Variants in WDFY2 observed in about 807,000 individuals in gnomAD.
The protein encoded by WDFY2 is WD repeat and FYVE domain-containing protein 2.
WDFY2 carries 36 observed loss-of-function variants against 56.4 expected under a neutral mutation model. The observed-to-expected ratio is 0.64, with a 90% CI of 0.49 to 0.84. The LOEUF (loss-of-function observed/expected upper bound fraction) is 0.84, where lower values mean the gene tolerates loss of function less well. Among genes scored for constraint, WDFY2 ranks in the 40% least tolerant of loss-of-function variants. The pLI is 0.00. For missense variants in WDFY2, 444 were observed against 512.2 expected (o/e 0.87, Z 1.29); for synonymous variants, 176 against 183.7 (o/e 0.96, Z 0.34).
At chr13:51,616,752 A>G (rs760700094) in intron 1 of WDFY2, among the ~76,000 whole-genome samples, 2 of 152,214 alleles carry the variant, frequency 1.3e-5, no homozygotes, top group Non-Finnish European at 2.9e-5. Flanking sequence ...GTGCTATCCT[A>G]TCGTGTGCTT....
At chr13:51,733,671 T>G (rs185529774) in intron 6 of WDFY2, among the ~76,000 whole-genome samples, 43 of 152,280 alleles carry the variant, frequency 2.8e-4, no homozygotes, top group African/African-American at 7.7e-4. Flanking sequence ...TTGTTTGGAC[T>G]GGGGGACAGC....
intron 1 of WDFY2, among the ~76,000 whole-genome samples, chr13:51,616,862 C>G (rs1313906539): frequency 6.6e-6 from 1 of 152,118 alleles, no homozygotes; most frequent in Admixed American, 6.5e-5. Flanking sequence ...GCACATAGTT[C>G]TAAGTGTTTT....
At chr13:51,658,333 T>C (rs967423806) in intron 1 of WDFY2, among the ~76,000 whole-genome samples, 1 of 152,236 alleles carries the variant, frequency 6.6e-6, no homozygotes, top group Admixed American at 6.5e-5. Context: ...AAGACACTGC[T>C]TGGGAAGCCC....
Position 51,602,320 on chromosome 13 carries a change from C to A in WDFY2, c.137+17496C>A, listed in dbSNP as rs191358090. ...ATCCATTCAGATACATAAATACTTTCCATTGTGTTACAGTTGCCTATAGCA... is the reference window on the plus strand; with the variant it reads ...ATCCATTCAGATACATAAATACTTTACATTGTGTTACAGTTGCCTATAGCA... On this transcript the variant is annotated intron_variant, in intron 1 of 11. Transcript: ENST00000298125. 3.9e-5 allele frequency among the ~76,000 whole-genome samples: 6 copies of A among 152,270 alleles called. 1 individual carries two copies. The East Asian group carries it at 1.2e-3, about 29-fold the overall frequency.
At chr13:51,664,505 T>A (rs574548911) in intron 2 of WDFY2, among the ~76,000 whole-genome samples, 4 of 152,204 alleles carry the variant, frequency 2.6e-5, no homozygotes, top group Non-Finnish European at 5.9e-5. Flanking sequence ...GAAGAACATC[T>A]GGCTCCTGAT....
chr13:51,716,775 A>G (rs1169045999), intron 4 of WDFY2, among the ~76,000 whole-genome samples: 4 of 137,308 alleles, frequency 2.9e-5, no homozygotes, highest in Non-Finnish European at 5.0e-5. Context: ...AATATCTCTC[A>G]TGAAAAAAAA....
chr13:51,742,387 G>C (rs941807332), intron 7 of WDFY2, among the ~76,000 whole-genome samples: 1 of 151,972 alleles, frequency 6.6e-6, no homozygotes, highest in African/African-American at 2.4e-5. Context: ...TTTATTCCCT[G>C]TAGCAAGTGG....
intron 1 of WDFY2, among the ~76,000 whole-genome samples, chr13:51,625,480 A>G (rs1474650770): frequency 6.6e-6 from 1 of 152,200 alleles, no homozygotes; most frequent in Non-Finnish European, 1.5e-5. Context: ...GAAAAGGTAA[A>G]TCTGTTCATC....
chr13:51,732,958 C>A (rs1952755921), intron 6 of WDFY2, among the ~76,000 whole-genome samples: 1 of 152,206 alleles, frequency 6.6e-6, no homozygotes, highest in East Asian at 1.9e-4. Flanking sequence ...CTGATGTGCA[C>A]AGAGGCTTCT....
At chr13:51,647,418 G>T (rs1955282782) in intron 1 of WDFY2, among the ~76,000 whole-genome samples, 1 of 152,184 alleles carries the variant, frequency 6.6e-6, no homozygotes, top group African/African-American at 2.4e-5. Context: ...GTGAGTATGT[G>T]TGTATCTAAA....
chr13:51,626,495 T>C (rs2138369278), intron 1 of WDFY2, among the ~76,000 whole-genome samples: 1 of 152,332 alleles, frequency 6.6e-6, no homozygotes, highest in Non-Finnish European at 1.5e-5. Flanking sequence ...CTCCTTTCTC[T>C]TTCTCCACCA....
intron 1 of WDFY2, among the ~76,000 whole-genome samples, chr13:51,639,993 G>A (rs1279811521): frequency 6.6e-6 from 1 of 152,178 alleles, no homozygotes; most frequent in East Asian, 1.9e-4. Flanking sequence ...GGGCAAATAT[G>A]CTAGATAATT....
chr13:51,691,617 G>A (rs1191161145), intron 3 of WDFY2, among the ~76,000 whole-genome samples: 6 of 151,938 alleles, frequency 3.9e-5, no homozygotes, highest in Admixed American at 1.3e-4. Context: ...GTATAGTTTG[G>A]AGTCAGGTAG....
At position 51,765,813 on chromosome 13, in the gene WDFY2, G is replaced by A. The variant is rs532608609; in HGVS notation, c.*6044G>A. ...AAAATTCTTTTTAAAGATGGTAAGG[G>A]TGGAAATTAATCATGGTACCATCTC... On this transcript the variant is annotated 3_prime_UTR_variant, in exon 12 of 12. Transcript: ENST00000298125. 3.3e-5 allele frequency: 5 copies of A among 152,308 alleles called. No homozygotes were observed. The East Asian group carries it at 9.6e-4, about 29-fold the overall frequency. 9.4% of individuals were successfully genotyped at this position (152,308 alleles called of 1,614,324 possible). A position where few individuals can be genotyped will look rare whatever the true frequency, so the allele number is the denominator to read the frequency against.
chr13:51,704,633 C>T (rs1309928553), intron 4 of WDFY2, among the ~76,000 whole-genome samples: 2 of 152,192 alleles, frequency 1.3e-5, no homozygotes, highest in Non-Finnish European at 1.5e-5. Context: ...CTTCTGTCTC[C>T]TGTTTCAATC....
chr13:51,672,310 T>C (rs1955821742), intron 2 of WDFY2, among the ~76,000 whole-genome samples: 1 of 152,170 alleles, frequency 6.6e-6, no homozygotes, highest in Admixed American at 6.5e-5. Context: ...AGGGTGTCCT[T>C]TTTCCACTTT....
At position 51,671,886 on chromosome 13, in the gene WDFY2, C is replaced by T. The variant is rs569426904; in HGVS notation, c.206-3284C>T. On this transcript the variant is annotated intron_variant, in intron 2 of 11. Transcript: ENST00000298125. ...GCAACCTCTGCCTCCCGGATTCAAG[C>T]GATTCTCGTGCCTCAGCCTCCCTAG... 9.4e-5 allele frequency among the ~76,000 whole-genome samples: 14 copies of T among 148,816 alleles called. No individual in the cohort carries two copies. In the East Asian group the frequency reaches 9.9e-4, roughly 11 times the overall value.
chr13:51,693,907 T>G (rs1307011400), intron 3 of WDFY2, among the ~76,000 whole-genome samples: 1 of 152,022 alleles, frequency 6.6e-6, no homozygotes, highest in Non-Finnish European at 1.5e-5. Flanking sequence ...TTAGCTCTTC[T>G]TGTTGAATTG....
intron 4 of WDFY2, among the ~76,000 whole-genome samples, chr13:51,716,326 A>G (rs1273506775): frequency 6.6e-6 from 1 of 152,236 alleles, no homozygotes; most frequent in African/African-American, 2.4e-5. Flanking sequence ...TAAACAGTGA[A>G]TTATACACTA....
Sources: allele counts gnomAD v4.1 joint callset (sites outside exome capture counted in the v4.1 genomes callset), GRCh38; gene constraint gnomAD v4.1.1; transcripts MANE v1.5; gene names NCBI Gene and HGNC (gene_info 2026-07-23, HGNC 2026-07-21).